G3BP2: variants seen among roughly 807,000 people sequenced by gnomAD.
The protein encoded by G3BP2 is ras GTPase-activating protein-binding protein 2.
In G3BP2, 11 loss-of-function variants were observed where a neutral mutation model predicts 56.7. The ratio of observed to expected loss-of-function variants is 0.19; its 90% CI spans 0.12 to 0.32. The LOEUF is 0.32. G3BP2 is among the 10% of genes least tolerant of loss of function. G3BP2 has a pLI of 1.00. For missense variants in G3BP2, 340 were observed against 610.9 expected (o/e 0.56, Z 4.67); for synonymous variants, 165 against 191.6 (o/e 0.86, Z 1.15).
intron 3 of G3BP2, among the ~76,000 whole-genome samples, chr4:75,718,879 A>G (rs1416770407): frequency 1.3e-5 from 2 of 150,972 alleles, no homozygotes; most frequent in African/African-American, 2.4e-5. Context: ...GGAGCTAGAG[A>G]AAAAAAAACA....
chr4:75,711,048 A>G (rs1051483159), intron 3 of G3BP2, among the ~76,000 whole-genome samples: 1 of 152,040 alleles, frequency 6.6e-6, no homozygotes, highest in African/African-American at 2.4e-5. Flanking sequence ...AGCTGGGTGC[A>G]GTGGCTCACG....
At chr4:75,653,300 A>T (rs1560613650) in intron 8 of G3BP2, among the ~76,000 whole-genome samples, 1 of 152,166 alleles carries the variant, frequency 6.6e-6, no homozygotes, top group Non-Finnish European at 1.5e-5. Flanking sequence ...ATGTAGGGAA[A>T]AAATTGGACA....
At chr4:75,664,251 A>G (rs11736474) in intron 1 of G3BP2, among the ~76,000 whole-genome samples, 133,117 of 152,046 alleles carry the variant, frequency 0.88, 58,294 homozygotes, top group East Asian at 0.92. Flanking sequence ...ATTCCTAAGC[A>G]TGTATCTACT....
At chr4:75,646,811 A>C (rs1731238875) in intron 10 of G3BP2, among the ~76,000 whole-genome samples, 1 of 152,226 alleles carries the variant, frequency 6.6e-6, no homozygotes, top group African/African-American at 2.4e-5. Flanking sequence ...TGTTTCTTCT[A>C]AACACTACTG....
chr4:75,659,783 G>C (rs767891438), intron 2 of G3BP2, among the ~76,000 whole-genome samples: 1 of 152,032 alleles, frequency 6.6e-6, no homozygotes, highest in Non-Finnish European at 1.5e-5. Flanking sequence ...TATCAAGTGG[G>C]GCACCCAAGA....
At chr4:75,677,759 A>G (rs1440582723), upstream of G3BP2, among the ~76,000 whole-genome samples, 4 of 152,296 alleles carry the variant, frequency 2.6e-5, no homozygotes, top group South Asian at 6.2e-4. Flanking sequence ...CTTGCAAAAC[A>G]AATGTCTTGG....
upstream of G3BP2, among the ~76,000 whole-genome samples, chr4:75,675,302 T>G (rs1418968517): frequency 6.6e-6 from 1 of 152,216 alleles, no homozygotes; most frequent in Non-Finnish European, 1.5e-5. Context: ...CCATGTATCC[T>G]GCAGAGGTGC....
intron 3 of G3BP2, among the ~76,000 whole-genome samples, chr4:75,685,855 C>A (rs768308397): frequency 6.6e-5 from 10 of 152,130 alleles, no homozygotes; most frequent in Admixed American, 2.0e-4. Context: ...GAAACCAAAT[C>A]TATAAAGTGA....
At chr4:75,654,757 G>A (rs1373001099) in intron 7 of G3BP2, among the ~76,000 whole-genome samples, 5 of 152,142 alleles carry the variant, frequency 3.3e-5, no homozygotes, top group African/African-American at 9.7e-5. Context: ...TGTGCTCAGA[G>A]AATTTAATAC....
intron 1 of G3BP2, among the ~76,000 whole-genome samples, chr4:75,667,323 G>A (rs1256954039): frequency 6.7e-6 from 1 of 150,034 alleles, no homozygotes; most frequent in Non-Finnish European, 1.5e-5. Flanking sequence ...AAGATTAAAG[G>A]ATACTTATAC....
At chr4:75,651,175 G>A (rs148768179) in intron 8 of G3BP2, among the ~76,000 whole-genome samples, 9 of 152,302 alleles carry the variant, frequency 5.9e-5, no homozygotes, top group Non-Finnish European at 1.3e-4. Context: ...AACAGAATTA[G>A]AGAATAAACG....
At chr4:75,681,319 G>A (rs1197065777) in intron 3 of G3BP2, among the ~76,000 whole-genome samples, 6 of 126,232 alleles carry the variant, frequency 4.8e-5, no homozygotes, top group South Asian at 6.2e-4. Flanking sequence ...GCGAGACTCC[G>A]TCTCAAAAAT....
chr4:75,681,310 C>T (rs1350494970), intron 3 of G3BP2, among the ~76,000 whole-genome samples: 4 of 147,820 alleles, frequency 2.7e-5, no homozygotes, highest in Non-Finnish European at 5.9e-5. Flanking sequence ...GGCGAAAGAG[C>T]GAGACTCCGT....
At chr4:75,675,977 A>G (rs568240083), upstream of G3BP2, among the ~76,000 whole-genome samples, 9 of 152,370 alleles carry the variant, frequency 5.9e-5, no homozygotes, top group African/African-American at 2.2e-4. Flanking sequence ...CTACACAGAA[A>G]CAGCCCTCAG....
intron 3 of G3BP2, among the ~76,000 whole-genome samples, chr4:75,702,434 C>T (rs907343017): frequency 6.6e-5 from 10 of 152,180 alleles, no homozygotes; most frequent in African/African-American, 2.2e-4. Flanking sequence ...TGAGCCACCA[C>T]GCCTGGACCC....
At chr4:75,691,709 G>A (rs1190634174) in intron 3 of G3BP2, among the ~76,000 whole-genome samples, 4 of 152,154 alleles carry the variant, frequency 2.6e-5, no homozygotes, top group Non-Finnish European at 5.9e-5. Flanking sequence ...ATCACCTGGG[G>A]AACTTTGAAA....
chr4:75,691,561 GTTTCA>G (rs774894921), intron 3 of G3BP2, among the ~76,000 whole-genome samples: 3 of 152,168 alleles, frequency 2.0e-5, no homozygotes, highest in Non-Finnish European at 4.4e-5. Context: ...CATTACCTGA[GTTTCA>G]TTCTGCTACC....
intron 3 of G3BP2, among the ~76,000 whole-genome samples, chr4:75,681,110 G>A (rs1159164754): frequency 6.6e-6 from 1 of 151,722 alleles, no homozygotes; most frequent in East Asian, 1.9e-4. Context: ...GATCACCTGA[G>A]GTCAGGAGTT....
intron 3 of G3BP2, among the ~76,000 whole-genome samples, chr4:75,704,712 A>C (rs1719477960): frequency 1.3e-5 from 2 of 152,020 alleles, no homozygotes; most frequent in African/African-American, 4.8e-5. Context: ...GGCTAACGGC[A>C]ACCTCCACCT....
Sources: gnomAD v4.1 joint callset for allele counts (sites outside exome capture counted in the v4.1 genomes callset) on GRCh38, gnomAD v4.1.1 for gene constraint, MANE v1.5 for transcripts, NCBI Gene and HGNC (gene_info 2026-07-23, HGNC 2026-07-21) for gene names.